The following SFMBT2 variants were observed in gnomAD, a reference collection of about 807,000 sequenced individuals.
SFMBT2 encodes the protein scm-like with four MBT domains protein 2.
SFMBT2 carries 38 observed loss-of-function variants against 110.1 expected under a neutral mutation model. The ratio of observed to expected loss-of-function variants is 0.35; its 90% CI spans 0.27 to 0.45. The LOEUF (loss-of-function observed/expected upper bound fraction) is 0.45. Ranked by LOEUF, SFMBT2 falls within the 20% of genes least tolerant of loss-of-function variation. The pLI is 1.00. For missense variants in SFMBT2, 1,011 were observed against 1,094.9 expected (o/e 0.92, Z 1.08); for synonymous variants, 425 against 425.4 (o/e 1.00, Z 0.01).
chr10:7,171,090 GCA>G lies in SFMBT2; in HGVS notation c.2416-36_2416-35del, dbSNP rs777179242. 5 of 1,613,174 alleles carry G rather than the reference GCA, an allele frequency of 3.1e-6. No individual in the cohort carries two copies. Among genetic ancestry groups the G allele is most frequent in the Non-Finnish European group, 4.2e-6 (5 of 1,179,664 alleles). ...AAAGGGCAGGAGGAGCTCAGCTGCG[GCA>G]CAGTCAGCTGGCTGGGTCCTCTCCA... On this transcript the variant is annotated intron_variant, in intron 19 of 20. Transcript: ENST00000397167. This position sits in a 1 kb window ranked among gnomAD's most constrained non-coding sequence, Gnocchi z 4.9.
At chr10:7,288,038 A>G (rs1459071206) in intron 4 of SFMBT2, among the ~76,000 whole-genome samples, 1 of 152,246 alleles carries the variant, frequency 6.6e-6, no homozygotes, top group African/African-American at 2.4e-5. Context: ...TTATAAACAT[A>G]CTAAATTATT....
chr10:7,252,617 C>T (rs1216235873), intron 7 of SFMBT2, among the ~76,000 whole-genome samples: 6 of 152,174 alleles, frequency 3.9e-5, no homozygotes, highest in African/African-American at 1.2e-4. Flanking sequence ...AATAGCATGA[C>T]ATTAAAATAT....
At chr10:7,187,476 T>C (rs1364786629) in intron 16 of SFMBT2, among the ~76,000 whole-genome samples, 1 of 152,248 alleles carries the variant, frequency 6.6e-6, no homozygotes, top group Non-Finnish European at 1.5e-5. Context: ...GCATCGTTAA[T>C]TGGCCTGCCA....
At chr10:7,236,205 A>C (rs78501264) in intron 9 of SFMBT2, among the ~76,000 whole-genome samples, 8,124 of 152,212 alleles carry the variant, frequency 0.053, 274 homozygotes, top group African/African-American at 0.092. Flanking sequence ...GCAAGCTATA[A>C]AAAGATAATA....
intron 6 of SFMBT2, among the ~76,000 whole-genome samples, chr10:7,281,905 G>C (rs1323872507): frequency 6.6e-6 from 1 of 152,154 alleles, no homozygotes; most frequent in Non-Finnish European, 1.5e-5. Flanking sequence ...GAGTGCAGCA[G>C]AGCAATCTTG....
intron 7 of SFMBT2, among the ~76,000 whole-genome samples, chr10:7,269,861 A>G (rs1841525033): frequency 6.6e-6 from 1 of 151,320 alleles, no homozygotes; most frequent in South Asian, 2.1e-4. Flanking sequence ...AGCAACTGCT[A>G]AGACAGTTGG....
chr10:7,285,553 T>G (rs1842060999), intron 5 of SFMBT2: 1 of 230,460 alleles, frequency 4.3e-6, no homozygotes, highest in Non-Finnish European at 8.6e-6. Context: ...TGATTTATAT[T>G]CACTCACATA....
At chr10:7,290,477 C>G (rs957839395) in intron 4 of SFMBT2, among the ~76,000 whole-genome samples, 3 of 152,120 alleles carry the variant, frequency 2.0e-5, no homozygotes, top group African/African-American at 7.2e-5. Context: ...TTGAGTTACA[C>G]ACACATATGC....
chr10:7,214,066 C>CAGGAAAGGGCAAGCATTGCCACG (rs144646247), intron 11 of SFMBT2, among the ~76,000 whole-genome samples: 54,482 of 151,872 alleles, frequency 0.36, 10,097 homozygotes, highest in South Asian at 0.55. Flanking sequence ...GAGGAGCAAC[C>CAGGAAAGGGCAAGCATTGCCACG]AGGAAAGGAG....
At chr10:7,346,118 C>T (rs572806458) in intron 4 of SFMBT2, among the ~76,000 whole-genome samples, 1 of 152,300 alleles carries the variant, frequency 6.6e-6, no homozygotes, top group African/African-American at 2.4e-5. Context: ...AAGCTACTGG[C>T]CTAATTTTGA....
intron 1 of SFMBT2, among the ~76,000 whole-genome samples, chr10:7,403,935 T>G (rs941331743): frequency 6.6e-6 from 1 of 152,212 alleles, no homozygotes; most frequent in Non-Finnish European, 1.5e-5. Flanking sequence ...TTTTTTATTT[T>G]TAAAAGTATT....
At chr10:7,180,247 C>A (rs1449257260) in intron 16 of SFMBT2, among the ~76,000 whole-genome samples, 4 of 151,982 alleles carry the variant, frequency 2.6e-5, no homozygotes, top group Non-Finnish European at 4.4e-5. Context: ...GCCTCAGCCT[C>A]CTGAGTCACT....
rs1313546851 is a variant in SFMBT2, at chr10:7,172,496, T to A, written c.2150A>T (p.Glu717Val). 1 of 1,613,626 alleles carries A rather than the reference T, an allele frequency of 6.2e-7. No homozygotes were observed. Among genetic ancestry groups the A allele is most frequent in the Non-Finnish European group, 8.5e-7 (1 of 1,179,980 alleles). ...GCAGGTGCCCCGGGCAGAACATACC[T>A]CCCCCGAGCCCGCGGTGAAGTCCAC... is the stretch of plus-strand genomic sequence containing the variant. ...SAVDFTAGSG[E>V]ESEEEDADAM... The change falls in exon 18 of 21, where the codon GAG (glutamate) becomes GTG (valine). Residue 717 changes from glutamate to valine, a missense_variant and splice_region_variant. By Grantham distance (121) the Glu-to-Val change is moderately radical (BLOSUM62 -2). Transcript: ENST00000397167. The surrounding 1 kb of genome is among the most constrained non-coding windows in gnomAD (Gnocchi z 4.6).
chr10:7,361,228 A>C (rs1376194202), intron 4 of SFMBT2, among the ~76,000 whole-genome samples: 1 of 152,252 alleles, frequency 6.6e-6, no homozygotes, highest in Non-Finnish European at 1.5e-5. Flanking sequence ...ACAATGTCAG[A>C]TAACCAAAGA....
chr10:7,326,964 C>T (rs1843403076), intron 4 of SFMBT2, among the ~76,000 whole-genome samples: 1 of 152,032 alleles, frequency 6.6e-6, no homozygotes, highest in South Asian at 2.1e-4. Context: ...TTAGGAAAGT[C>T]ACCGTAAATA....
intron 6 of SFMBT2, among the ~76,000 whole-genome samples, chr10:7,279,912 T>C (rs537115546): frequency 1.3e-4 from 20 of 152,366 alleles, no homozygotes; most frequent in Non-Finnish European, 2.1e-4. Flanking sequence ...TGAATCTATG[T>C]TGTTAAAAGA....
Position 7,163,028 on chromosome 10 carries a change from G to A in SFMBT2, c.*742C>T, listed in dbSNP as rs182793722. On this transcript the variant is annotated 3_prime_UTR_variant, in exon 21 of 21. Transcript: ENST00000397167. The surrounding 1 kb of genome is among the most constrained non-coding windows in gnomAD (Gnocchi z 4.8). ...TGAGGCAGGAGAATCACTTGAACCC[G>A]GGAGAGAGAGGTTGCAGTGAGCTGA... is the stretch of plus-strand genomic sequence containing the variant. 284 of 152,908 alleles carry A rather than the reference G, an allele frequency of 1.9e-3. No homozygotes were observed. Among genetic ancestry groups the A allele is most frequent in the South Asian group, 0.017 (81 of 4,856 alleles). 9.5% of individuals were successfully genotyped at this position (152,908 alleles called of 1,614,324 possible). A position where few individuals can be genotyped will look rare whatever the true frequency, so the allele number is the denominator to read the frequency against.
intron 4 of SFMBT2, among the ~76,000 whole-genome samples, chr10:7,315,990 G>T (rs1843000632): frequency 6.6e-6 from 1 of 152,222 alleles, no homozygotes; most frequent in African/African-American, 2.4e-5. Flanking sequence ...AACTGGAAGT[G>T]TCAGGAACAC....
chr10:7,206,321 G>T (rs988596294), intron 11 of SFMBT2: 29 of 985,390 alleles, frequency 2.9e-5, no homozygotes, highest in Non-Finnish European at 3.5e-5. Context: ...ATGTATCGGA[G>T]CTTGGGGTGG....
Sources: gnomAD v4.1 joint callset for allele counts (sites outside exome capture counted in the v4.1 genomes callset) on GRCh38, gnomAD v4.1.1 for gene constraint, Gnocchi (gnomAD v3.1) non-coding constraint, MANE v1.5 for transcripts, NCBI Gene and HGNC (gene_info 2026-07-23, HGNC 2026-07-21) for gene names.